USP4: variants seen among roughly 807,000 people sequenced by gnomAD.
USP4 encodes the protein ubiquitin carboxyl-terminal hydrolase 4.
In USP4, 72 loss-of-function variants were observed where a neutral mutation model predicts 118.2. The observed-to-expected ratio is 0.61, with a 90% CI of 0.50 to 0.74. USP4 has a LOEUF of 0.74. USP4 is among the 30% of genes least tolerant of loss of function. USP4 has a pLI of 0.00. For synonymous variants in USP4, 415 were observed against 440.4 expected (o/e 0.94, Z 0.72); for missense variants, 1,037 against 1,185.7 (o/e 0.87, Z 1.84).
intron 9 of USP4, 25 bp downstream of exon 9, chr3:49,305,690 C>T (rs755125110): frequency 3.2e-6 from 5 of 1,544,800 alleles, no homozygotes; most frequent in Middle Eastern, 1.8e-4. Context: ...GGATACCCAA[C>T]CCATATATAT....
intron 8 of USP4, among the ~76,000 whole-genome samples, chr3:49,308,002 C>G (rs536816613): frequency 3.3e-5 from 5 of 151,206 alleles, no homozygotes; most frequent in Non-Finnish European, 7.4e-5. Context: ...GTTCCTGTCT[C>G]TAAGAAAAAA....
chr3:49,326,992 G>A (rs1004557172), intron 3 of USP4, among the ~76,000 whole-genome samples: 7 of 152,088 alleles, frequency 4.6e-5, no homozygotes, highest in African/African-American at 9.7e-5. Flanking sequence ...GAGCCACTGC[G>A]CCTAGCTCAA....
At chr3:49,316,889 G>T in intron 6 of USP4, 1 of 603,008 alleles carries the variant, frequency 1.7e-6, no homozygotes, top group Non-Finnish European at 2.9e-6. Context: ...CATAGCCTGT[G>T]TGAGCACAAA....
At chr3:49,302,632 G>A (rs1402215451) in intron 9 of USP4, 90 bp from the exon 10 acceptor site, 1 of 1,307,868 alleles carries the variant, frequency 7.6e-7, no homozygotes, top group African/African-American at 1.5e-5. Context: ...GCTCTGAGGA[G>A]TTAGCTGGGG....
chr3:49,333,144 CTT>C (rs376262745), intron 2 of USP4, among the ~76,000 whole-genome samples: 12 of 138,782 alleles, frequency 8.6e-5, no homozygotes, highest in Admixed American at 1.5e-4. Context: ...TAGAGTAGCA[CTT>C]TTTTTTTTTT....
chr3:49,320,565 G>A (rs1371770619), intron 6 of USP4, among the ~76,000 whole-genome samples: 1 of 152,220 alleles, frequency 6.6e-6, no homozygotes, highest in Non-Finnish European at 1.5e-5. Context: ...TCCTCCCTCA[G>A]CCTTCTGAGT....
At chr3:49,283,425 TTGA>T (rs1451860339) in intron 19 of USP4, among the ~76,000 whole-genome samples, 2 of 151,926 alleles carry the variant, frequency 1.3e-5, no homozygotes, top group African/African-American at 4.8e-5. Context: ...GCCTCCCAAA[TTGA>T]TGATATGTGA....
At chr3:49,319,787 G>T (rs138169010) in intron 6 of USP4, among the ~76,000 whole-genome samples, 2 of 151,792 alleles carry the variant, frequency 1.3e-5, no homozygotes, top group African/African-American at 4.8e-5. Context: ...CTAATTTTCT[G>T]TACTTTTAGT....
At chr3:49,290,792 G>A (rs961145890) in intron 15 of USP4, among the ~76,000 whole-genome samples, 3 of 152,210 alleles carry the variant, frequency 2.0e-5, no homozygotes, top group African/African-American at 7.2e-5. Flanking sequence ...TGGGATTACA[G>A]GCATGAGCCA....
chr3:49,279,030 T>C lies in USP4; in HGVS notation c.2645-128A>G, dbSNP rs554055957. On this transcript the variant is annotated intron_variant, in intron 20 of 21. Coordinates refer to ENST00000265560, the MANE Select transcript of USP4 (RefSeq NM_003363.4). ...CCCCTGAAATTAAAAAAGTTTACAG[T>C]GTGTGTCTTAACAACCAAAAAACAA... The C allele has an allele frequency of 7.7e-6, 4 of 522,334 alleles. No individual in the cohort carries two copies. In the East Asian group the frequency reaches 1.4e-4, roughly 18 times the overall value. 32.4% of individuals were successfully genotyped at this position (522,334 alleles called of 1,614,324 possible). A position where few individuals can be genotyped will look rare whatever the true frequency, so the allele number is the denominator to read the frequency against.
At chr3:49,325,904 G>A in intron 3 of USP4, 59 bp from the exon 4 acceptor site, 2 of 1,588,616 alleles carry the variant, frequency 1.3e-6, no homozygotes, top group Non-Finnish European at 1.7e-6. Context: ...AGTCTTGGAT[G>A]TAGCATATCT....
intron 6 of USP4, chr3:49,313,769 T>C (rs943787375): frequency 6.6e-6 from 1 of 152,256 alleles, no homozygotes; most frequent in Non-Finnish European, 1.5e-5. Flanking sequence ...CAAGGGCTAA[T>C]TGCCCAAATT....
At chr3:49,292,052 C>T (rs1161500839) in intron 15 of USP4, among the ~76,000 whole-genome samples, 1 of 152,066 alleles carries the variant, frequency 6.6e-6, no homozygotes, top group East Asian at 1.9e-4. Context: ...CGTGATCCGC[C>T]CTCCTCGGAC....
At chr3:49,302,345 C>G (rs761376425) in intron 10 of USP4, 39 bp downstream of exon 10, 3 of 1,602,508 alleles carry the variant, frequency 1.9e-6, no homozygotes. Flanking sequence ...GAGGCAGCTT[C>G]TTTGGCATAT....
At chr3:49,305,109 G>A in intron 9 of USP4, among the ~76,000 whole-genome samples, 1 of 148,036 alleles carries the variant, frequency 6.8e-6, no homozygotes, top group Non-Finnish European at 1.5e-5. Context: ...GTCTCGTTCT[G>A]TCACCCAGGC....
intron 1 of USP4, among the ~76,000 whole-genome samples, chr3:49,336,618 G>C (rs377171894): frequency 6.6e-6 from 1 of 150,840 alleles, no homozygotes; most frequent in South Asian, 2.1e-4. Context: ...TCCGCCTCCC[G>C]GGTTCAAGTG....
At chr3:49,288,121 C>T (rs1332575667) in intron 15 of USP4, among the ~76,000 whole-genome samples, 3 of 152,302 alleles carry the variant, frequency 2.0e-5, no homozygotes, top group Non-Finnish European at 1.5e-5. Flanking sequence ...GGTTCCTTTC[C>T]GAACTTGCTT....
intron 15 of USP4, among the ~76,000 whole-genome samples, chr3:49,289,243 ACACT>A (rs902927728): frequency 1.3e-5 from 2 of 152,222 alleles, no homozygotes; most frequent in African/African-American, 4.8e-5. Context: ...AATAGCAAAC[ACACT>A]CACAAGATGT....
chr3:49,315,752 C>T (rs1487381579), intron 6 of USP4, among the ~76,000 whole-genome samples: 3 of 152,142 alleles, frequency 2.0e-5, no homozygotes, highest in Non-Finnish European at 2.9e-5. Flanking sequence ...TGCCTGATAC[C>T]ATGGTGGGAC....
Sources: gnomAD v4.1 joint callset for allele counts (sites outside exome capture counted in the v4.1 genomes callset) on GRCh38, gnomAD v4.1.1 for gene constraint, MANE v1.5 for transcripts, NCBI Gene and HGNC (gene_info 2026-07-23, HGNC 2026-07-21) for gene names.